Variants in PCDHGA4 observed in about 807,000 individuals in gnomAD.
PCDHGA4 encodes protocadherin gamma-A4.
Under a neutral mutation model 54.6 loss-of-function variants are expected in PCDHGA4, and 38 were observed. The observed-to-expected ratio is 0.70, with a 90% confidence interval of 0.54 to 0.91. The LOEUF (loss-of-function observed/expected upper bound fraction) is 0.91, where lower values mean the gene tolerates loss of function less well. PCDHGA4 is among the 40% of genes least tolerant of loss of function. The pLI is 0.00. For missense variants in PCDHGA4, 1,298 were observed against 1,220.9 expected, an observed-to-expected ratio of 1.06 and a Z score of -0.94; for synonymous variants, 511 against 512.9, an observed-to-expected ratio of 1.00 and a Z score of 0.05.
Position 141,356,319 on chromosome 5 carries a change from C to T in PCDHGA4, c.1212C>T (p.Asp404=), listed in dbSNP as rs756397423. The T allele has an allele frequency of 3.5e-5, 55 of 1,554,034 alleles. No homozygotes were observed. The Admixed American group carries it at 9.8e-4, about 28-fold the overall frequency. Residue 404 remains aspartate, a synonymous_variant, in exon 1 of 4, where the codon GAC becomes GAT. Transcript: ENST00000571252. ...TAATTGCACTTTTCAACGTGCATGACAGTGACTCAGGAGGAAATGGCCTAG... is the reference window on the plus strand; with the variant it reads ...TAATTGCACTTTTCAACGTGCATGATAGTGACTCAGGAGGAAATGGCCTAG... ...GTVIALFNVH[D]SDSGGNGLVT... is the part of the protein sequence containing the mutation.
Position 141,476,752 on chromosome 5 carries a change from A to T in PCDHGA4, c.2515-18055A>T, listed in dbSNP as rs771355583. On this transcript the variant is annotated intron_variant, in intron 1 of 3. Coordinates refer to ENST00000571252, the MANE Select transcript of PCDHGA4 (RefSeq NM_018917.4). This position sits in a 1 kb window ranked among gnomAD's most constrained non-coding sequence, Gnocchi z 7.6. ...GAGAACGGGAGCCTAGTCTCCAGTTAGTGCTGACGGCGTTGGACGGAGGGA... is the reference window on the plus strand; with the variant it reads ...GAGAACGGGAGCCTAGTCTCCAGTTTGTGCTGACGGCGTTGGACGGAGGGA... 1.2e-6 allele frequency: 2 copies of T among 1,613,926 alleles called. No individual in the cohort carries two copies. Among genetic ancestry groups the T allele is most frequent in the South Asian group, 2.2e-5 (2 of 91,080 alleles).
At chr5:141,458,651 C>T (rs924873907) in intron 1 of PCDHGA4, among the ~76,000 whole-genome samples, 1 of 152,114 alleles carries the variant, frequency 6.6e-6, no homozygotes. Context: ...CTCACTGCAA[C>T]CTCCACCTCT....
chr5:141,390,366 A>G, intron 1 of PCDHGA4: 1 of 1,524,656 alleles, frequency 6.6e-7, no homozygotes, highest in Non-Finnish European at 8.9e-7. Flanking sequence ...TTGCAGGAAA[A>G]TATATAATTT....
chr5:141,429,314 C>A (rs1463397731), intron 1 of PCDHGA4, among the ~76,000 whole-genome samples: 2 of 151,722 alleles, frequency 1.3e-5, no homozygotes, highest in Admixed American at 6.6e-5. Flanking sequence ...GTATATAAGG[C>A]TTTTTCTTTA....
rs778071643 is a variant in PCDHGA4, at chr5:141,356,356, A to G, written c.1249A>G (p.Ile417Val). The change falls in exon 1 of 4, where the codon ATT becomes GTT. Residue 417 changes from isoleucine to valine, a missense_variant. By Grantham distance (29) the Ile-to-Val change is conservative. Coordinates refer to ENST00000571252, the MANE Select transcript of PCDHGA4 (RefSeq NM_018917.4). The part of the protein sequence containing the change: ...SGGNGLVTCS[I>V]PDNLPFTLEK... The stretch of plus-strand genomic sequence containing the variant: ...AGGAAATGGCCTAGTCACATGTTCT[A>G]TTCCAGATAATCTGCCATTCACACT... 16 of 1,556,750 alleles carry G rather than the reference A, an allele frequency of 1.0e-5. No individual in the cohort carries two copies. In the Admixed American group the frequency reaches 2.7e-4, roughly 27 times the overall value.
chr5:141,433,140 C>T (rs1394486228), intron 1 of PCDHGA4: 4 of 1,613,948 alleles, frequency 2.5e-6, no homozygotes, highest in African/African-American at 1.3e-5. Flanking sequence ...CTTTTGCTGT[C>T]AGGTGATTCG....
chr5:141,376,072 C>G (rs755171325), intron 1 of PCDHGA4: 9 of 1,613,498 alleles, frequency 5.6e-6, no homozygotes, highest in Middle Eastern at 1.7e-4. Flanking sequence ...TCACCGTGGC[C>G]GTGGCCGACA....
At position 141,399,337 on chromosome 5, in the gene PCDHGA4, GGAACCCTAGACC is replaced by G. The variant is rs754766358; in HGVS notation, c.2514+41719_2514+41730del. 29 of 1,613,990 alleles carry G rather than the reference GGAACCCTAGACC, an allele frequency of 1.8e-5. No individual in the cohort carries two copies. In the South Asian group the frequency reaches 3.1e-4, roughly 17 times the overall value. Reference sequence around the variant, plus strand: ...AAATTCGTATAAGTTGGTAACAGATGGAACCCTAGACCGAGAGCAAACCCCGGAGTACAATGT... The same window carrying G: ...AAATTCGTATAAGTTGGTAACAGATGGAGAGCAAACCCCGGAGTACAATGT... On this transcript the variant is annotated intron_variant, in intron 1 of 3. Transcript: ENST00000571252.
intron 1 of PCDHGA4, chr5:141,377,877 A>T (rs2150119118): frequency 6.6e-6 from 1 of 152,320 alleles, no homozygotes; most frequent in South Asian, 2.1e-4. Flanking sequence ...TTCTCTTATC[A>T]GAGATAGGAT....
chr5:141,366,075 C>T (rs1373930718), intron 1 of PCDHGA4: 1 of 1,614,264 alleles, frequency 6.2e-7, no homozygotes, highest in Admixed American at 1.7e-5. Context: ...CCTCGCTCCG[C>T]AGAACCTGGC....
intron 1 of PCDHGA4, chr5:141,399,894 C>T (rs201911174): frequency 1.9e-6 from 3 of 1,612,570 alleles, no homozygotes; most frequent in Non-Finnish European, 2.5e-6. Context: ...AGGTAGTGGC[C>T]GTGGACGCAG....
chr5:141,377,207 A>C (rs1170353646), intron 1 of PCDHGA4: 1 of 152,122 alleles, frequency 6.6e-6, no homozygotes, highest in Non-Finnish European at 1.5e-5. Context: ...GATTGAGTAC[A>C]TCTCGTTTCT....
chr5:141,431,273 C>T lies in PCDHGA4; in HGVS notation c.2515-63534C>T, dbSNP rs752219345. 54 of 1,614,068 alleles carry T rather than the reference C, an allele frequency of 3.3e-5. No individual in the cohort carries two copies. Among genetic ancestry groups the T allele is most frequent in the Non-Finnish European group, 4.1e-5 (48 of 1,180,052 alleles). On this transcript the variant is annotated intron_variant, in intron 1 of 3. Transcript: ENST00000571252. The surrounding 1 kb of genome is among the most constrained non-coding windows in gnomAD (Gnocchi z 4.8). Reference sequence around the variant, plus strand: ...GAAGAACTCTCTGCAGAGCTACGAGCTCAGCCCGAACACTCACTTCTCCCT... The same window carrying T: ...GAAGAACTCTCTGCAGAGCTACGAGTTCAGCCCGAACACTCACTTCTCCCT...
intron 1 of PCDHGA4, chr5:141,366,074 G>T (rs1167288837): frequency 2.5e-6 from 4 of 1,614,100 alleles, no homozygotes; most frequent in African/African-American, 1.3e-5. Flanking sequence ...GCCTCGCTCC[G>T]CAGAACCTGG....
At chr5:141,380,088 T>A (rs1292073938) in intron 1 of PCDHGA4, among the ~76,000 whole-genome samples, 1 of 151,730 alleles carries the variant, frequency 6.6e-6, no homozygotes, top group Non-Finnish European at 1.5e-5. Flanking sequence ...TTAGTAGAGA[T>A]GGGGTTTTAC....
At chr5:141,414,557 A>G (rs749209012) in intron 1 of PCDHGA4, 21 of 1,613,786 alleles carry the variant, frequency 1.3e-5, no homozygotes, top group Non-Finnish European at 1.8e-5. Context: ...CAAGTCTCCT[A>G]CTTTACCTAT....
chr5:141,508,979 G>A (rs1317798009), intron 3 of PCDHGA4, among the ~76,000 whole-genome samples: 1 of 152,110 alleles, frequency 6.6e-6, no homozygotes, highest in Non-Finnish European at 1.5e-5. Context: ...GCTGGGGGTG[G>A]GGGCCAGCTG....
chr5:141,358,179 G>A (rs1760841465), intron 1 of PCDHGA4, among the ~76,000 whole-genome samples: 1 of 152,186 alleles, frequency 6.6e-6, no homozygotes, highest in African/African-American at 2.4e-5. Context: ...AACAGAGCAA[G>A]CCTCTGTCTC....
chr5:141,501,288 TATACACAC>T (rs1482707793), intron 2 of PCDHGA4, among the ~76,000 whole-genome samples: 1 of 81,228 alleles, frequency 1.2e-5, no homozygotes, highest in African/African-American at 4.9e-5. Flanking sequence ...GATATTCCCT[TATACACAC>T]ACACACACAC....
Sources: gnomAD v4.1 joint callset for allele counts (sites outside exome capture counted in the v4.1 genomes callset) on GRCh38, gnomAD v4.1.1 for gene constraint, Gnocchi (gnomAD v3.1) non-coding constraint, MANE v1.5 for transcripts, NCBI Gene and HGNC (gene_info 2026-07-23, HGNC 2026-07-21) for gene names.